Variants in MAGI3 observed in about 807,000 individuals in gnomAD.
MAGI3 encodes membrane associated guanylate kinase, WW and PDZ domain containing 3.
Under a neutral mutation model 121.8 loss-of-function variants are expected in MAGI3, and 43 were observed. That is an observed-to-expected ratio of 0.35 (90% CI 0.28 to 0.46). The LOEUF is 0.46. Ranked by LOEUF, MAGI3 falls within the 20% of genes least tolerant of loss-of-function variation. MAGI3 has a pLI of 1.00. For missense variants in MAGI3, 1,547 were observed against 1,797.3 expected (o/e 0.86, Z 2.52); for synonymous variants, 553 against 639.3 (o/e 0.86, Z 2.04).
intron 1 of MAGI3, among the ~76,000 whole-genome samples, chr1:113,477,941 TC>T (rs1192344411): frequency 2.0e-5 from 3 of 152,208 alleles, no homozygotes; most frequent in Non-Finnish European, 4.4e-5. Flanking sequence ...TACTCTTTTT[TC>T]TCTAACTTTG....
rs542193141 is a variant in MAGI3, at chr1:113,504,873, G to A, written c.317-44642G>A. ...GATCATTATATTACTATCACAAAAAGCACTATATGAATTAGAGGGACTTTC... is the reference window on the plus strand; with the variant it reads ...GATCATTATATTACTATCACAAAAAACACTATATGAATTAGAGGGACTTTC... On this transcript the variant is annotated intron_variant, in intron 1 of 20. Coordinates refer to ENST00000307546, the MANE Select transcript of MAGI3 (RefSeq NM_001142782.2). Among the ~76,000 whole-genome samples, 4 of 152,150 alleles carry A rather than the reference G, an allele frequency of 2.6e-5. No individual in the cohort carries two copies. In the East Asian group the frequency reaches 7.7e-4, roughly 29 times the overall value.
intron 9 of MAGI3, among the ~76,000 whole-genome samples, chr1:113,631,471 A>G (rs879085479): frequency 1.3e-5 from 2 of 152,190 alleles, no homozygotes; most frequent in African/African-American, 4.8e-5. Flanking sequence ...CCATTTTACA[A>G]ACAGGTGAAA....
intron 1 of MAGI3, among the ~76,000 whole-genome samples, chr1:113,535,099 T>C (rs914096515): frequency 9.2e-5 from 14 of 152,198 alleles, no homozygotes; most frequent in African/African-American, 3.4e-4. Flanking sequence ...GGGATGGTGC[T>C]CAGCTTTCAC....
Position 113,681,209 on chromosome 1 carries a change from G to A in MAGI3, c.3201G>A (p.Gln1067=). Residue 1067 remains glutamine, a synonymous_variant, in exon 20 of 21, where the codon CAG becomes CAA. Coordinates refer to ENST00000307546, the MANE Select transcript of MAGI3 (RefSeq NM_001142782.2). ...IKDGRIHVGD[Q]IVEINGEPTQ... ...TGTTCTCTGTCTAGGTTGGTGACCA[G>A]ATTGTTGAAATCAATGGGGAACCTA... 6.2e-7 allele frequency: 1 copy of A among 1,613,780 alleles called. No individual in the cohort carries two copies. The highest frequency in any genetic ancestry group is 1.1e-5 in the South Asian group (1 of 90,936).
At chr1:113,421,069 G>A (rs80213191) in intron 1 of MAGI3, among the ~76,000 whole-genome samples, 3,537 of 152,120 alleles carry the variant, frequency 0.023, 131 homozygotes, top group African/African-American at 0.081. Flanking sequence ...TGCTGAAACA[G>A]AGTGAAATTG....
chr1:113,449,644 A>T (rs938045481), intron 1 of MAGI3: 66 of 702,828 alleles, frequency 9.4e-5, no homozygotes, highest in Non-Finnish European at 1.3e-4. Context: ...TGATTAAAAA[A>T]TTTTTCAGTA....
chr1:113,651,714 C>T (rs887101746), intron 14 of MAGI3, among the ~76,000 whole-genome samples: 1 of 152,196 alleles, frequency 6.6e-6, no homozygotes, highest in Admixed American at 6.5e-5. Context: ...TGGTCTCGAA[C>T]TCTTGACCTC....
At chr1:113,515,144 C>A (rs986660385) in intron 1 of MAGI3, among the ~76,000 whole-genome samples, 6 of 151,982 alleles carry the variant, frequency 3.9e-5, no homozygotes, top group Non-Finnish European at 1.5e-5. Flanking sequence ...AAAACCATTT[C>A]TTGAGTAAAA....
chr1:113,613,297 A>G (rs1016717702), intron 6 of MAGI3, among the ~76,000 whole-genome samples: 9 of 152,138 alleles, frequency 5.9e-5, no homozygotes, highest in Admixed American at 5.2e-4. Flanking sequence ...CAGGTCCTTC[A>G]AAGGAAAAAC....
At chr1:113,671,541 G>A (rs987978765) in intron 16 of MAGI3, among the ~76,000 whole-genome samples, 193 bp from the exon 17 acceptor site, 11 of 152,124 alleles carry the variant, frequency 7.2e-5, no homozygotes, top group Admixed American at 2.0e-4. Context: ...AGACATAAAC[G>A]TTAATCAAAA....
At chr1:113,514,172 T>C (rs1221990743) in intron 1 of MAGI3, among the ~76,000 whole-genome samples, 1 of 152,240 alleles carries the variant, frequency 6.6e-6, no homozygotes, top group Non-Finnish European at 1.5e-5. Context: ...TTTACACCAT[T>C]GGTGGGACTG....
Position 113,604,565 on chromosome 1 carries a change from C to CA in MAGI3, c.1019-10006dup, listed in dbSNP as rs59047770. On this transcript the variant is annotated intron_variant, in intron 6 of 20. Coordinates refer to ENST00000307546, the MANE Select transcript of MAGI3 (RefSeq NM_001142782.2). ...CTGGCGACAGAGTGAGTCTCCATCT[C>CA]AAAAAAAAAAAAAAAAAAAAAAAAA... Among the ~76,000 whole-genome samples the CA allele has an allele frequency of 3.5e-3, 216 of 62,002 alleles. 4 individuals are homozygous for CA. The highest frequency in any genetic ancestry group is 8.1e-3 in the East Asian group (9 of 1,114). The allele number at this position is 62,002 out of a possible 152,430, so 40.7% of individuals were successfully genotyped here.
At chr1:113,461,046 A>G (rs1268818129) in intron 1 of MAGI3, among the ~76,000 whole-genome samples, 2 of 152,132 alleles carry the variant, frequency 1.3e-5, no homozygotes, top group African/African-American at 2.4e-5. Flanking sequence ...GATCTCTACA[A>G]TGAAAATTAC....
chr1:113,411,306 G>T (rs1651965408), intron 1 of MAGI3, among the ~76,000 whole-genome samples: 1 of 152,006 alleles, frequency 6.6e-6, no homozygotes, highest in African/African-American at 2.4e-5. Context: ...CTTTTAAATT[G>T]GCACATACAC....
chr1:113,484,940 G>T (rs1383473355), intron 1 of MAGI3, among the ~76,000 whole-genome samples: 4 of 151,478 alleles, frequency 2.6e-5, no homozygotes, highest in African/African-American at 7.3e-5. Context: ...CACCATGTTG[G>T]CCAGGGTGGT....
chr1:113,633,804 T>C (rs1296204383), intron 9 of MAGI3, among the ~76,000 whole-genome samples: 1 of 152,216 alleles, frequency 6.6e-6, no homozygotes, highest in African/African-American at 2.4e-5. Context: ...CCCTGAGGAA[T>C]CACCACACTG....
chr1:113,682,342 T>C (rs1299405903), intron 20 of MAGI3: 6 of 1,565,920 alleles, frequency 3.8e-6, no homozygotes, highest in Non-Finnish European at 4.3e-6. Flanking sequence ...CTTCTTTTGT[T>C]TTCTTTTAAA....
At chr1:113,506,080 CTA>C (rs2101602969) in intron 1 of MAGI3, among the ~76,000 whole-genome samples, 1 of 152,212 alleles carries the variant, frequency 6.6e-6, no homozygotes, top group South Asian at 2.1e-4. Flanking sequence ...GCAAGAAAGA[CTA>C]TTGCTCTGGA....
intron 7 of MAGI3, among the ~76,000 whole-genome samples, chr1:113,615,946 T>G (rs566018436): frequency 1.8e-4 from 28 of 152,274 alleles, no homozygotes; most frequent in African/African-American, 6.7e-4. Context: ...TTTCTTCCCC[T>G]CAAAGTTTAG....
Sources: gnomAD v4.1 joint callset for allele counts (sites outside exome capture counted in the v4.1 genomes callset) on GRCh38, gnomAD v4.1.1 for gene constraint, MANE v1.5 for transcripts, NCBI Gene and HGNC (gene_info 2026-07-23, HGNC 2026-07-21) for gene names.